The following ARHGEF10 variants were observed in gnomAD, a reference collection of about 807,000 sequenced individuals.
The protein encoded by ARHGEF10 is Rho guanine nucleotide exchange factor 10.
ARHGEF10 carries 140 observed loss-of-function variants against 147.4 expected under a neutral mutation model. The observed-to-expected ratio is 0.95, with a 90% CI of 0.83 to 1.09. ARHGEF10 has a LOEUF of 1.09. Among genes scored for constraint, ARHGEF10 ranks in the 50% least tolerant of loss-of-function variants. The probability of loss-of-function intolerance (pLI) is 0.00; values close to 1 mark genes in which losing one functional copy is unlikely to be tolerated. For missense variants in ARHGEF10, 2,222 were observed against 1,752.7 expected, an observed-to-expected ratio of 1.27 and a Z score of -4.78; for synonymous variants, 902 against 695.8, an observed-to-expected ratio of 1.30 and a Z score of -4.67.
chr8:1,913,716 G>T (rs1395743680), intron 18 of ARHGEF10, among the ~76,000 whole-genome samples: 3 of 152,210 alleles, frequency 2.0e-5, no homozygotes, highest in African/African-American at 7.2e-5. Flanking sequence ...AGCAAGAGGG[G>T]AAGTCCACTC....
intron 1 of ARHGEF10, among the ~76,000 whole-genome samples, chr8:1,824,996 A>G (rs969130460): frequency 1.0e-3 from 6 of 5,962 alleles, no homozygotes; most frequent in Non-Finnish European, 1.5e-3. Context: ...TGTCCTCCCC[A>G]CACCCCACCT....
intron 24 of ARHGEF10, among the ~76,000 whole-genome samples, chr8:1,928,852 C>T (rs1048988482): frequency 6.6e-6 from 1 of 152,138 alleles, no homozygotes; most frequent in African/African-American, 2.4e-5. Flanking sequence ...TTCTAGGAAA[C>T]TCTTAAAGAG....
At chr8:1,865,186 C>T (rs1217353818) in intron 5 of ARHGEF10, among the ~76,000 whole-genome samples, 1 of 152,242 alleles carries the variant, frequency 6.6e-6, no homozygotes, top group Non-Finnish European at 1.5e-5. Context: ...AAGAATGCTC[C>T]TTGGTGATGT....
chr8:1,908,105 G>C lies in ARHGEF10; in HGVS notation c.1968-1190G>C, dbSNP rs183280390. On this transcript the variant is annotated intron_variant, in intron 17 of 28. Coordinates refer to ENST00000349830, the MANE Select transcript of ARHGEF10 (RefSeq NM_014629.4). ...TGTATGGACTGGATGTCCTCATGGA[G>C]GGCAGAGTGCTCTGGTGTAAGAAGG... Among the ~76,000 whole-genome samples the C allele has an allele frequency of 1.0e-3, 158 of 152,206 alleles. No individual in the cohort carries two copies. In the Middle Eastern group the frequency reaches 0.017, roughly 16 times the overall value.
intron 11 of ARHGEF10, among the ~76,000 whole-genome samples, chr8:1,887,133 T>G (rs1808733740): frequency 6.6e-6 from 1 of 152,230 alleles, no homozygotes; most frequent in African/African-American, 2.4e-5. Flanking sequence ...GTACCTATTC[T>G]GGTGAGGACA....
At chr8:1,944,857 G>A (rs573174366) in intron 26 of ARHGEF10, among the ~76,000 whole-genome samples, 1 of 152,364 alleles carries the variant, frequency 6.6e-6, no homozygotes, top group Admixed American at 6.5e-5. Flanking sequence ...GGCCATGTTG[G>A]GGGGTCGCTG....
intron 10 of ARHGEF10, among the ~76,000 whole-genome samples, chr8:1,883,416 C>T (rs1461130322): frequency 6.6e-6 from 1 of 152,046 alleles, no homozygotes; most frequent in Non-Finnish European, 1.5e-5. Context: ...CCTGGCATTT[C>T]CTGGTTGTTT....
At chr8:1,949,206 C>A (rs929699206) in intron 27 of ARHGEF10, among the ~76,000 whole-genome samples, 1 of 152,162 alleles carries the variant, frequency 6.6e-6, no homozygotes, top group African/African-American at 2.4e-5. Context: ...GATGAAACCT[C>A]CTTCCTTCCT....
chr8:1,878,297 C>G (rs1021084816), intron 8 of ARHGEF10, among the ~76,000 whole-genome samples: 2 of 152,026 alleles, frequency 1.3e-5, no homozygotes, highest in Admixed American at 1.3e-4. Flanking sequence ...TCAAGTAATT[C>G]TCCTGCCTCA....
intron 7 of ARHGEF10, among the ~76,000 whole-genome samples, chr8:1,871,803 C>T (rs1174330447): frequency 6.6e-5 from 10 of 152,028 alleles, no homozygotes; most frequent in Non-Finnish European, 1.0e-4. Context: ...GGCAACAGAG[C>T]GAGACTCCCT....
chr8:1,932,951 G>A (rs1025324725), intron 25 of ARHGEF10, among the ~76,000 whole-genome samples: 3 of 152,206 alleles, frequency 2.0e-5, no homozygotes, highest in Non-Finnish European at 4.4e-5. Context: ...ACTGAGAATT[G>A]AAGAATTCAT....
At chr8:1,872,119 G>T (rs1251602745) in intron 7 of ARHGEF10, among the ~76,000 whole-genome samples, 2 of 152,122 alleles carry the variant, frequency 1.3e-5, no homozygotes, top group South Asian at 4.1e-4. Flanking sequence ...GGATGTAACT[G>T]CAGTAGAAAT....
intron 21 of ARHGEF10, among the ~76,000 whole-genome samples, chr8:1,924,133 G>T (rs1812504494): frequency 6.6e-6 from 1 of 152,212 alleles, no homozygotes; most frequent in African/African-American, 2.4e-5. Flanking sequence ...TATCAGTTGA[G>T]GCAGCTGAAC....
At chr8:1,851,490 G>A (rs574409699) in intron 2 of ARHGEF10, among the ~76,000 whole-genome samples, 5 of 152,096 alleles carry the variant, frequency 3.3e-5, no homozygotes, top group Non-Finnish European at 7.4e-5. Context: ...GTTCCACTCT[G>A]GCAAAGGATG....
Position 1,902,169 on chromosome 8 carries a change from GC to G in ARHGEF10, c.1651-1108del, listed in dbSNP as rs371093079. Among the ~76,000 whole-genome samples, 318 of 152,078 alleles carry G rather than the reference GC, an allele frequency of 2.1e-3. 1 individual carries two copies. The highest frequency in any genetic ancestry group is 7.1e-3 in the African/African-American group (296 of 41,474). On this transcript the variant is annotated intron_variant, in intron 15 of 28. Coordinates refer to ENST00000349830, the MANE Select transcript of ARHGEF10 (RefSeq NM_014629.4). ...CCCCTCACCCCCCGCCCCGCAACAGGCCCCGGTGTGTGATGCGCCCCTCCCT... is the reference window on the plus strand; with the variant it reads ...CCCCTCACCCCCCGCCCCGCAACAGGCCCGGTGTGTGATGCGCCCCTCCCT...
intron 14 of ARHGEF10, among the ~76,000 whole-genome samples, chr8:1,897,860 T>C (rs556388106): frequency 6.6e-6 from 1 of 152,082 alleles, no homozygotes; most frequent in African/African-American, 2.4e-5. Context: ...ATTTCATTGC[T>C]CCAGGACCTG....
chr8:1,882,958 G>A (rs1808345799), intron 10 of ARHGEF10, among the ~76,000 whole-genome samples: 1 of 152,236 alleles, frequency 6.6e-6, no homozygotes, highest in African/African-American at 2.4e-5. Context: ...AGGGCACCCA[G>A]CAGCAGAGAA....
chr8:1,946,343 G>T (rs1376860358), intron 27 of ARHGEF10, among the ~76,000 whole-genome samples: 2 of 152,226 alleles, frequency 1.3e-5, no homozygotes, highest in Non-Finnish European at 2.9e-5. Flanking sequence ...CTGCCTCCGA[G>T]CCCTTCGGCT....
At position 1,856,701 on chromosome 8, in the gene ARHGEF10, G is replaced by A. The variant is rs182713654; in HGVS notation, c.38-1259G>A. ...AGCCGAGCTGGGCCGTCCTGCTTGG[G>A]TGCATCTCCCTGGCCCACGGGGGAT... On this transcript the variant is annotated intron_variant, in intron 2 of 28. Transcript: ENST00000349830. 6.6e-5 allele frequency among the ~76,000 whole-genome samples: 10 copies of A among 152,292 alleles called. No individual in the cohort carries two copies. In the East Asian group the frequency reaches 1.9e-3, roughly 29 times the overall value.
Sources: allele counts gnomAD v4.1 joint callset (sites outside exome capture counted in the v4.1 genomes callset), GRCh38; gene constraint gnomAD v4.1.1; transcripts MANE v1.5; gene names NCBI Gene and HGNC (gene_info 2026-07-23, HGNC 2026-07-21).